The following PDSS2 variants were observed in gnomAD, a reference collection of about 807,000 sequenced individuals.
PDSS2 encodes decaprenyl diphosphate synthase subunit 2.
In PDSS2, 31 loss-of-function variants were observed where a neutral mutation model predicts 44.5. The observed-to-expected ratio is 0.70, with a 90% CI of 0.52 to 0.94. The LOEUF (loss-of-function observed/expected upper bound fraction) is 0.94, where lower values mean the gene tolerates loss of function less well. Among genes scored for constraint, PDSS2 ranks in the 40% least tolerant of loss-of-function variants. The probability of loss-of-function intolerance (pLI) is 0.00; values close to 1 mark genes in which losing one functional copy is unlikely to be tolerated. For synonymous variants in PDSS2, 157 were observed against 180.3 expected (o/e 0.87, Z 1.03); for missense variants, 452 against 482.2 (o/e 0.94, Z 0.59).
chr6:107,261,276 G>A (rs1582862178), intron 3 of PDSS2, among the ~76,000 whole-genome samples: 2 of 152,326 alleles, frequency 1.3e-5, no homozygotes, highest in East Asian at 3.9e-4. Context: ...GGGCTGGTGG[G>A]ATGTGTTTGG....
chr6:107,160,721 C>T (rs1183328530), intron 7 of PDSS2, among the ~76,000 whole-genome samples: 2 of 151,158 alleles, frequency 1.3e-5, no homozygotes, highest in Non-Finnish European at 2.9e-5. Context: ...GGAAAGAAAA[C>T]TGTTTGAGCA....
intron 1 of PDSS2, among the ~76,000 whole-genome samples, chr6:107,433,666 C>T (rs1266817626): frequency 1.3e-5 from 2 of 152,160 alleles, no homozygotes; most frequent in Non-Finnish European, 2.9e-5. Context: ...TATGAAACTA[C>T]TAAAAGAAAA....
At chr6:107,365,473 A>G (rs1165345517) in intron 1 of PDSS2, among the ~76,000 whole-genome samples, 1 of 152,176 alleles carries the variant, frequency 6.6e-6, no homozygotes, top group Admixed American at 6.5e-5. Context: ...AACATGAGAA[A>G]AAATACAAAA....
At chr6:107,261,577 TC>T (rs1447112570) in intron 3 of PDSS2, among the ~76,000 whole-genome samples, 66 of 93,508 alleles carry the variant, frequency 7.1e-4, no homozygotes, top group Non-Finnish European at 1.2e-3. Flanking sequence ...TTCTTTTCTT[TC>T]TTTTTTTTTT....
chr6:107,405,684 A>G (rs1315143551), intron 1 of PDSS2, among the ~76,000 whole-genome samples: 4 of 151,816 alleles, frequency 2.6e-5, no homozygotes, highest in Non-Finnish European at 5.9e-5. Flanking sequence ...CGTCTCTACT[A>G]AAAATACAAA....
intron 1 of PDSS2, among the ~76,000 whole-genome samples, chr6:107,415,882 G>C (rs1780643136): frequency 6.6e-6 from 1 of 152,168 alleles, no homozygotes; most frequent in African/African-American, 2.4e-5. Context: ...GTACTCCCAG[G>C]TATCGATTCT....
chr6:107,317,294 A>C (rs1301411154), intron 2 of PDSS2, among the ~76,000 whole-genome samples: 3 of 152,188 alleles, frequency 2.0e-5, no homozygotes, highest in African/African-American at 7.2e-5. Flanking sequence ...GATGATGTTC[A>C]GTAATAACAG....
At chr6:107,332,063 A>G (rs570334981) in intron 2 of PDSS2, among the ~76,000 whole-genome samples, 2 of 152,056 alleles carry the variant, frequency 1.3e-5, no homozygotes, top group Non-Finnish European at 2.9e-5. Context: ...AGTTATCTCA[A>G]CTAAACTTAG....
intron 1 of PDSS2, among the ~76,000 whole-genome samples, chr6:107,341,690 A>G (rs1276040910): frequency 6.6e-6 from 1 of 152,224 alleles, no homozygotes; most frequent in Non-Finnish European, 1.5e-5. Context: ...ATACACACGC[A>G]CAATGGAGGC....
chr6:107,323,937 G>A (rs982929994), intron 2 of PDSS2, among the ~76,000 whole-genome samples: 2 of 152,152 alleles, frequency 1.3e-5, no homozygotes, highest in African/African-American at 4.8e-5. Flanking sequence ...AACTAACTCA[G>A]CTGAGTAGAT....
At chr6:107,408,175 G>A (rs1309971816) in intron 1 of PDSS2, among the ~76,000 whole-genome samples, 1 of 151,930 alleles carries the variant, frequency 6.6e-6, no homozygotes, top group Non-Finnish European at 1.5e-5. Context: ...TTACAAATGT[G>A]TGTGCCACCA....
rs1457864000 is a variant in PDSS2, at chr6:107,153,604, T to G, written c.*1015A>C. 1 of 152,660 alleles carries G rather than the reference T, an allele frequency of 6.6e-6. No individual in the cohort carries two copies. The highest frequency in any genetic ancestry group is 2.4e-5 in the African/African-American group (1 of 41,460). 9.5% of individuals were successfully genotyped at this position (152,660 alleles called of 1,614,324 possible). A position where few individuals can be genotyped will look rare whatever the true frequency, so the allele number is the denominator to read the frequency against. On this transcript the variant is annotated 3_prime_UTR_variant, in exon 8 of 8. Transcript: ENST00000369037. ...AAAAATTTGGTTCTTTGAAATGTGTTTGAATAAAAAAACTGATCTTCAGGA... is the reference window on the plus strand; with the variant it reads ...AAAAATTTGGTTCTTTGAAATGTGTGTGAATAAAAAAACTGATCTTCAGGA...
intron 1 of PDSS2, among the ~76,000 whole-genome samples, chr6:107,433,158 C>T (rs1227497863): frequency 1.3e-5 from 2 of 151,910 alleles, no homozygotes; most frequent in African/African-American, 4.8e-5. Context: ...CTACGTTGAC[C>T]GGGTATACTC....
At chr6:107,358,488 T>C (rs754632411) in intron 1 of PDSS2, among the ~76,000 whole-genome samples, 6 of 152,234 alleles carry the variant, frequency 3.9e-5, no homozygotes, top group Non-Finnish European at 7.3e-5. Context: ...AGTGATATTT[T>C]TTCCACTTAT....
In PDSS2 at chr6:107,166,716, C is replaced by T. The variant is rs570575884; in HGVS notation, c.1042-11939G>A. On this transcript the variant is annotated intron_variant, in intron 7 of 7. Coordinates refer to ENST00000369037, the MANE Select transcript of PDSS2 (RefSeq NM_020381.4). ...TGTTGAATTTTCTCAAAGGCCTTTT[C>T]TGCATCTATTGAGATAATCATGTGG... Among the ~76,000 whole-genome samples the T allele has an allele frequency of 5.3e-5, 8 of 152,260 alleles. No homozygotes were observed. The South Asian group carries it at 1.7e-3, about 32-fold the overall frequency.
intron 2 of PDSS2, among the ~76,000 whole-genome samples, chr6:107,283,348 G>GA (rs1284060596): frequency 1.3e-5 from 2 of 149,782 alleles, no homozygotes; most frequent in East Asian, 2.0e-4. Context: ...AAGAAAAAAA[G>GA]AAAAAAACCC....
intron 1 of PDSS2, among the ~76,000 whole-genome samples, chr6:107,454,565 T>C (rs1016572011): frequency 6.6e-6 from 1 of 152,164 alleles, no homozygotes; most frequent in Non-Finnish European, 1.5e-5. Context: ...ATGTCACATC[T>C]AGGCTGTTTT....
intron 2 of PDSS2, among the ~76,000 whole-genome samples, chr6:107,292,397 T>C (rs76951246): frequency 0.044 from 6,757 of 152,272 alleles, 275 homozygotes; most frequent in African/African-American, 0.11. Flanking sequence ...TCAGTATTGA[T>C]GTGTTCTGTA....
chr6:107,318,092 A>T (rs1777257843), intron 2 of PDSS2, among the ~76,000 whole-genome samples: 1 of 152,196 alleles, frequency 6.6e-6, no homozygotes, highest in South Asian at 2.1e-4. Flanking sequence ...ATGGAAAATC[A>T]TATAATGATG....
Sources: gnomAD v4.1 joint callset for allele counts (sites outside exome capture counted in the v4.1 genomes callset) on GRCh38, gnomAD v4.1.1 for gene constraint, MANE v1.5 for transcripts, NCBI Gene and HGNC (gene_info 2026-07-23, HGNC 2026-07-21) for gene names.